Variants in SMNDC1 observed in about 807,000 individuals in gnomAD.
SMNDC1 encodes the protein survival motor neuron domain containing 1, also known as survival of motor neuron-related-splicing factor 30.
Under a neutral mutation model 29.2 loss-of-function variants are expected in SMNDC1, and 5 were observed. The observed-to-expected ratio is 0.17, with a 90% CI of 0.09 to 0.36. The LOEUF (loss-of-function observed/expected upper bound fraction) is 0.36. Among genes scored for constraint, SMNDC1 ranks in the 10% least tolerant of loss-of-function variants. The pLI, the probability that SMNDC1 is intolerant of heterozygous loss-of-function variation, is 1.00. For missense variants in SMNDC1, 142 were observed against 268.5 expected (o/e 0.53, Z 3.29); for synonymous variants, 80 against 89.9 (o/e 0.89, Z 0.62).
At chr10:110,296,481 A>C (rs1427449992) in intron 4 of SMNDC1, among the ~76,000 whole-genome samples, 1 of 152,202 alleles carries the variant, frequency 6.6e-6, no homozygotes, top group Admixed American at 6.5e-5. Flanking sequence ...ATATGTAGCA[A>C]CTTAAGTTTC....
chr10:110,299,344 C>T (rs1857612618), intron 2 of SMNDC1, among the ~76,000 whole-genome samples: 1 of 152,156 alleles, frequency 6.6e-6, no homozygotes, highest in African/African-American at 2.4e-5. Context: ...TATTGTAAAA[C>T]TCACCCCATC....
chr10:110,300,665 C>G, intron 2 of SMNDC1: 1 of 985,364 alleles, frequency 1.0e-6, no homozygotes, highest in Non-Finnish European at 1.2e-6. Context: ...ATCTACATAT[C>G]AGCAGGTCAA....
chr10:110,303,446 A>G (rs1857688646), intron 2 of SMNDC1, 22 bp downstream of exon 2: 1 of 1,547,422 alleles, frequency 6.5e-7, no homozygotes, highest in East Asian at 2.4e-5. Context: ...GAGAAAAAGT[A>G]CAATTGTCTA....
rs1857495163 is a variant in SMNDC1, at chr10:110,291,132, C to CATT, written c.*3015_*3017dup. 6.6e-6 allele frequency: 1 copy of CATT among 152,196 alleles called. No individual in the cohort carries two copies. Among genetic ancestry groups the CATT allele is most frequent in the South Asian group, 2.1e-4 (1 of 4,832 alleles). 9.4% of individuals were successfully genotyped at this position (152,196 alleles called of 1,614,324 possible). A position where few individuals can be genotyped will look rare whatever the true frequency, so the allele number is the denominator to read the frequency against. ...ATTAGGCTAAAAGGTAATTTTTCTT[C>CATT]ATTTCCAAAGTCAAACTTTTATAGT... On this transcript the variant is annotated 3_prime_UTR_variant, in exon 6 of 6. Coordinates refer to ENST00000369603, the MANE Select transcript of SMNDC1 (RefSeq NM_005871.4).
At chr10:110,303,360 A>AT (rs1348126597) in intron 2 of SMNDC1, 108 bp downstream of exon 2, 18 of 918,334 alleles carry the variant, frequency 2.0e-5, no homozygotes, top group African/African-American at 3.5e-5. Flanking sequence ...GAATTTACAT[A>AT]TATACATAGG....
At chr10:110,303,634 CA>C (rs1857692019) in intron 1 of SMNDC1, 47 bp from the exon 2 acceptor site, 2 of 1,534,766 alleles carry the variant, frequency 1.3e-6, no homozygotes, top group African/African-American at 2.9e-5. Context: ...AACCAAAAAT[CA>C]AGGCATAAAA....
At chr10:110,295,931 T>C (rs1297709259) in intron 4 of SMNDC1, among the ~76,000 whole-genome samples, 1 of 152,230 alleles carries the variant, frequency 6.6e-6, no homozygotes. Context: ...CTTGAGCCAC[T>C]GCGCCCAGCC....
rs892456374 is a variant in SMNDC1 at position 110,291,887 on chromosome 10, T to TACC, written c.*2262_*2263insGGT. On this transcript the variant is annotated 3_prime_UTR_variant, in exon 6 of 6. Transcript: ENST00000369603. ...GGTAACAACAGTCAAACGTCAAGCT[T>TACC]TGGTAAGTTACATGCAACCATTTCT... 1 of 152,184 alleles carries TACC rather than the reference T, an allele frequency of 6.6e-6. No homozygotes were observed. Among genetic ancestry groups the TACC allele is most frequent in the African/African-American group, 2.4e-5 (1 of 41,430 alleles). 9.4% of individuals were successfully genotyped at this position (152,184 alleles called of 1,614,324 possible).
At chr10:110,301,326 G>GGGTGT (rs752066279) in intron 2 of SMNDC1, among the ~76,000 whole-genome samples, 7,668 of 152,250 alleles carry the variant, frequency 0.05, 281 homozygotes, top group Middle Eastern at 0.15. Flanking sequence ...AACAATTACT[G>GGGTGT]AGTGGAAGCT....
rs1857676413 is a variant in SMNDC1, at chr10:110,302,960, A to G, written c.120+508T>C. ...CATCTATGTAACAATTATACAAAGC[A>G]CTTGTCTCTCTTTAGGCATTTTTGT... On this transcript the variant is annotated intron_variant, in intron 2 of 5. Transcript: ENST00000369603. Among the ~76,000 whole-genome samples the G allele has an allele frequency of 1.3e-5, 2 of 152,090 alleles. 1 individual carries two copies. The highest frequency in any genetic ancestry group is 4.1e-4 in the South Asian group (2 of 4,826).
At chr10:110,300,138 G>A (rs1857623969) in intron 2 of SMNDC1, among the ~76,000 whole-genome samples, 2 of 152,128 alleles carry the variant, frequency 1.3e-5, no homozygotes, top group African/African-American at 4.8e-5. Flanking sequence ...CCTGACTCAA[G>A]AGCCCACACA....
At chr10:110,297,167 A>T (rs1857575971) in intron 4 of SMNDC1, among the ~76,000 whole-genome samples, 2 of 152,184 alleles carry the variant, frequency 1.3e-5, no homozygotes, top group South Asian at 4.1e-4. Context: ...TTGTTCCCTT[A>T]CAGTACCTGT....
rs747652426 is a variant in SMNDC1 at position 110,297,692 on chromosome 10, T to G, written c.300A>C (p.Glu100Asp). Reference sequence around the variant, plus strand: ...CAAAGGTGATTGCAGCGGTGCCATTTTCTTCATCTATCTCCTCAATCTCCG... The same window carrying G: ...CAAAGGTGATTGCAGCGGTGCCATTGTCTTCATCTATCTCCTCAATCTCCG... ...YEAEIEEIDEENGTAAITFAG... is the reference protein window; with the variant it reads ...YEAEIEEIDEDNGTAAITFAG... Residue 100 changes from glutamate (E) to aspartate (D), a missense_variant, in exon 4 of 6, where the codon GAA becomes GAC. Physicochemically the swap from Glu to Asp is conservative, Grantham distance 45. Coordinates refer to ENST00000369603, the MANE Select transcript of SMNDC1 (RefSeq NM_005871.4). The G allele has an allele frequency of 1.2e-6, 2 of 1,614,020 alleles. No individual in the cohort carries two copies. Among genetic ancestry groups the G allele is most frequent in the South Asian group, 2.2e-5 (2 of 91,084 alleles).
intron 2 of SMNDC1, 51 bp downstream of exon 2, chr10:110,303,417 A>T: frequency 6.6e-7 from 1 of 1,519,232 alleles, no homozygotes; most frequent in Non-Finnish European, 8.8e-7. Flanking sequence ...TAGGGATTCA[A>T]GCAATAATTT....
rs1037088134 is a variant in SMNDC1 at position 110,291,941 on chromosome 10, C to G, written c.*2209G>C. 2.0e-5 allele frequency: 3 copies of G among 152,194 alleles called. No individual in the cohort carries two copies. The highest frequency in any genetic ancestry group is 4.4e-5 in the Non-Finnish European group (3 of 68,038). 9.4% of individuals were successfully genotyped at this position (152,194 alleles called of 1,614,324 possible). A position where few individuals can be genotyped will look rare whatever the true frequency, so the allele number is the denominator to read the frequency against. On this transcript the variant is annotated 3_prime_UTR_variant, in exon 6 of 6. Coordinates refer to ENST00000369603, the MANE Select transcript of SMNDC1 (RefSeq NM_005871.4). ...TAGGGGCCCATAACTCAATATTTAA[C>G]ATTTCAGTCTGTCACAGTTTCAAAG...
intron 2 of SMNDC1, 82 bp downstream of exon 2, chr10:110,303,382 CCCCT>C (rs1444174409): frequency 4.8e-6 from 6 of 1,247,500 alleles, no homozygotes; most frequent in African/African-American, 1.6e-5. Flanking sequence ...TGGGGTGTAA[CCCCT>C]CAAAAGGCGC....
chr10:110,294,078 C>T lies in SMNDC1; in HGVS notation c.*72G>A. The T allele has an allele frequency of 8.1e-7, 1 of 1,240,328 alleles. No individual in the cohort carries two copies. 76.8% of individuals were successfully genotyped at this position (1,240,328 alleles called of 1,614,324 possible). On this transcript the variant is annotated 3_prime_UTR_variant, in exon 6 of 6. Coordinates refer to ENST00000369603, the MANE Select transcript of SMNDC1 (RefSeq NM_005871.4). ...GCTTACTCATCTAACAAATAATTTACCTTTAGAAAAATATAAGGATAAAAA... is the reference window on the plus strand; with the variant it reads ...GCTTACTCATCTAACAAATAATTTATCTTTAGAAAAATATAAGGATAAAAA...
chr10:110,302,419 A>G (rs1418585262), intron 2 of SMNDC1, among the ~76,000 whole-genome samples: 1 of 152,168 alleles, frequency 6.6e-6, no homozygotes, highest in Non-Finnish European at 1.5e-5. Flanking sequence ...TTTTATTCTA[A>G]ATGTAGAACT....
rs954442847 is a variant in SMNDC1, at chr10:110,292,171, C to T, written c.*1979G>A. 6.6e-6 allele frequency: 1 copy of T among 152,200 alleles called. No homozygotes were observed. Among genetic ancestry groups the T allele is most frequent in the Non-Finnish European group, 1.5e-5 (1 of 68,044 alleles). The allele number at this position is 152,200 out of a possible 1,614,324, so 9.4% of individuals were successfully genotyped here. On this transcript the variant is annotated 3_prime_UTR_variant, in exon 6 of 6. Coordinates refer to ENST00000369603, the MANE Select transcript of SMNDC1 (RefSeq NM_005871.4). The stretch of plus-strand genomic sequence containing the variant: ...CAGGTAGTCTCCCCAGGAGTCCTGC[C>T]TCTTAGTTCAGAGACACAAACATCA...
Sources: allele counts gnomAD v4.1 joint callset (sites outside exome capture counted in the v4.1 genomes callset), GRCh38; gene constraint gnomAD v4.1.1; transcripts MANE v1.5; gene names NCBI Gene and HGNC (gene_info 2026-07-23, HGNC 2026-07-21).